ADAMTSL1: variants seen among roughly 807,000 people sequenced by gnomAD.
The protein encoded by ADAMTSL1 is ADAMTS-like protein 1.
ADAMTSL1 carries 126 observed loss-of-function variants against 201.8 expected under a neutral mutation model. The observed-to-expected ratio is 0.62, with a 90% confidence interval of 0.54 to 0.72. The LOEUF (loss-of-function observed/expected upper bound fraction) is 0.72. Ranked by LOEUF, ADAMTSL1 falls within the 30% of genes least tolerant of loss-of-function variation. The pLI is 0.00. For synonymous variants in ADAMTSL1, 1,121 were observed against 903.4 expected (o/e 1.24, Z -4.32); for missense variants, 2,679 against 2,277.8 (o/e 1.18, Z -3.59).
chr9:18,845,554 T>A (rs941936108), intron 23 of ADAMTSL1, among the ~76,000 whole-genome samples: 13 of 152,232 alleles, frequency 8.5e-5, no homozygotes, highest in Admixed American at 6.5e-4. Context: ...ATGCAAAGCC[T>A]GGCAGTGAGG....
intron 1 of ADAMTSL1, among the ~76,000 whole-genome samples, chr9:17,985,998 T>C (rs1394689177): frequency 1.3e-5 from 2 of 152,032 alleles, no homozygotes; most frequent in African/African-American, 4.8e-5. Flanking sequence ...AAACAACAAA[T>C]GGTTTTATTT....
chr9:18,825,477 A>C (rs1824488394), intron 21 of ADAMTSL1, among the ~76,000 whole-genome samples: 1 of 152,234 alleles, frequency 6.6e-6, no homozygotes, highest in Non-Finnish European at 1.5e-5. Context: ...GCTTCCAAAA[A>C]TACAAGCAAG....
At chr9:18,086,552 C>T (rs1221725359) in intron 1 of ADAMTSL1, among the ~76,000 whole-genome samples, 1 of 152,132 alleles carries the variant, frequency 6.6e-6, no homozygotes, top group Non-Finnish European at 1.5e-5. Context: ...CTTTTACCTA[C>T]TGGTTTATTG....
At chr9:18,816,315 C>A (rs1455126303) in intron 20 of ADAMTSL1, among the ~76,000 whole-genome samples, 1 of 152,184 alleles carries the variant, frequency 6.6e-6, no homozygotes, top group East Asian at 1.9e-4. Context: ...CGGCTCATTG[C>A]ACCTTCCACC....
At chr9:18,841,295 C>A (rs1474361781) in intron 23 of ADAMTSL1, among the ~76,000 whole-genome samples, 1 of 151,866 alleles carries the variant, frequency 6.6e-6, no homozygotes, top group Non-Finnish European at 1.5e-5. Context: ...TTGAGATAAT[C>A]ATGTGGTTTT....
At chr9:18,752,246 A>G (rs984422004) in intron 15 of ADAMTSL1, among the ~76,000 whole-genome samples, 5 of 152,198 alleles carry the variant, frequency 3.3e-5, no homozygotes, top group Non-Finnish European at 2.9e-5. Context: ...CAGGTTGGAA[A>G]GTTAGTTACA....
chr9:18,824,008 GGAAGGAAGGAAAGAAGGAAGGAAGGAAC>G (rs1188048937), intron 21 of ADAMTSL1, among the ~76,000 whole-genome samples: 2 of 150,742 alleles, frequency 1.3e-5, no homozygotes, highest in Admixed American at 6.6e-5. Flanking sequence ...AGAAAAGGAA[GGAAGGAAGGAAAGAAGGAAGGAAGGAAC>G]GAAGGAAGGA....
At chr9:18,383,342 A>C (rs764617086) in intron 2 of ADAMTSL1, among the ~76,000 whole-genome samples, 1 of 151,968 alleles carries the variant, frequency 6.6e-6, no homozygotes, top group Non-Finnish European at 1.5e-5. Flanking sequence ...CGGGTTAAAG[A>C]CTTTTTTCCT....
chr9:18,869,805 T>C (rs1827774401), intron 23 of ADAMTSL1, among the ~76,000 whole-genome samples: 1 of 152,178 alleles, frequency 6.6e-6, no homozygotes, highest in Non-Finnish European at 1.5e-5. Context: ...CATAGGTGGT[T>C]TGTAAACTTT....
chr9:18,867,098 C>T (rs1827580590), intron 23 of ADAMTSL1, among the ~76,000 whole-genome samples: 1 of 152,174 alleles, frequency 6.6e-6, no homozygotes, highest in Admixed American at 6.5e-5. Flanking sequence ...AAACTATGTA[C>T]CTCAAGTTCA....
At chr9:18,898,978 G>A (rs1281901647) in intron 26 of ADAMTSL1, among the ~76,000 whole-genome samples, 2 of 152,104 alleles carry the variant, frequency 1.3e-5, no homozygotes, top group African/African-American at 4.8e-5. Flanking sequence ...AAGAAAGCAA[G>A]CATATTCAAA....
At chr9:18,545,823 C>A (rs186927827) in intron 3 of ADAMTSL1, among the ~76,000 whole-genome samples, 1 of 152,146 alleles carries the variant, frequency 6.6e-6, no homozygotes, top group Admixed American at 6.5e-5. Context: ...CAAGGCCCTA[C>A]GGAATGAAAC....
chr9:18,103,262 T>C (rs940565354), intron 1 of ADAMTSL1, among the ~76,000 whole-genome samples: 21 of 152,200 alleles, frequency 1.4e-4, no homozygotes, highest in Admixed American at 1.3e-3. Flanking sequence ...TTTTACATGT[T>C]CAGGACTAGG....
intron 23 of ADAMTSL1, among the ~76,000 whole-genome samples, chr9:18,839,476 T>C (rs1774294155): frequency 6.6e-6 from 1 of 152,184 alleles, no homozygotes; most frequent in African/African-American, 2.4e-5. Context: ...CTATTGTGAA[T>C]AGTGCCGCAA....
Position 17,910,759 on chromosome 9 carries a change from C to A in ADAMTSL1, c.87+3837C>A, listed in dbSNP as rs572898655. Among the ~76,000 whole-genome samples, 22 of 68,876 alleles carry A rather than the reference C, an allele frequency of 3.2e-4. 9 individuals carry two copies. In the South Asian group the frequency reaches 0.02, roughly 61 times the overall value. 45.2% of individuals were successfully genotyped at this position (68,876 alleles called of 152,430 possible). ...GTTTGTCAGAGCAGCTGTTTAAAGT[C>A]TTCACTTGGTTTTAATCATATAGGC... On this transcript the variant is annotated intron_variant, in intron 1 of 29. Coordinates refer to the ADAMTSL1 transcript ENST00000680146.
intron 2 of ADAMTSL1, among the ~76,000 whole-genome samples, chr9:18,190,947 G>C (rs1053444636): frequency 2.0e-5 from 3 of 152,114 alleles, no homozygotes; most frequent in Non-Finnish European, 4.4e-5. Context: ...TTGTTAACTG[G>C]CCTACAGGTG....
intron 23 of ADAMTSL1, among the ~76,000 whole-genome samples, chr9:18,846,185 C>A (rs1826095521): frequency 6.6e-6 from 1 of 152,152 alleles, no homozygotes; most frequent in South Asian, 2.1e-4. Context: ...CAGTAATAAG[C>A]CAAACAAATT....
At chr9:18,482,902 G>T (rs1317919462) in intron 1 of ADAMTSL1, among the ~76,000 whole-genome samples, 2 of 152,178 alleles carry the variant, frequency 1.3e-5, no homozygotes, top group Non-Finnish European at 2.9e-5. Context: ...TTGTCACTGA[G>T]ACCTAATATA....
chr9:18,885,606 C>A (rs1015594272), intron 23 of ADAMTSL1, among the ~76,000 whole-genome samples: 1 of 152,180 alleles, frequency 6.6e-6, no homozygotes, highest in Non-Finnish European at 1.5e-5. Context: ...TCAGCGGATA[C>A]ATGAAGGAGT....
Sources: allele counts gnomAD v4.1 joint callset (sites outside exome capture counted in the v4.1 genomes callset), GRCh38; gene constraint gnomAD v4.1.1; transcripts MANE v1.5; gene names NCBI Gene and HGNC (gene_info 2026-07-23, HGNC 2026-07-21).